The following VAV3 variants were observed in gnomAD, a reference collection of about 807,000 sequenced individuals.
VAV3 encodes the protein vav guanine nucleotide exchange factor 3.
In VAV3, 94 loss-of-function variants were observed where a neutral mutation model predicts 131.2. The ratio of observed to expected loss-of-function variants is 0.72; its 90% CI spans 0.61 to 0.85. VAV3 has a LOEUF of 0.85. Ranked by LOEUF, VAV3 falls within the 40% of genes least tolerant of loss-of-function variation. The pLI is 0.00. For missense variants in VAV3, 939 were observed against 1,002.7 expected (o/e 0.94, Z 0.86); for synonymous variants, 349 against 342.0 (o/e 1.02, Z -0.22).
chr1:107,765,219 G>T, intron 8 of VAV3, 44 bp from the exon 9 acceptor site: 1 of 1,444,042 alleles, frequency 6.9e-7, no homozygotes, highest in Non-Finnish European at 9.7e-7. Context: ...CAAAAACCAA[G>T]AATGAACTGG....
chr1:107,929,264 G>T (rs537080120), intron 1 of VAV3, among the ~76,000 whole-genome samples: 3 of 142,596 alleles, frequency 2.1e-5, no homozygotes, highest in Admixed American at 1.4e-4. Context: ...CTCCAGCCTG[G>T]GTGACAGAGT....
At chr1:107,618,418 G>GT (rs1261260727) in intron 20 of VAV3, among the ~76,000 whole-genome samples, 1 of 152,188 alleles carries the variant, frequency 6.6e-6, no homozygotes, top group Admixed American at 6.5e-5. Flanking sequence ...ACAGTGAAAT[G>GT]TAAGTTTTGG....
At chr1:107,651,691 C>T (rs190469089) in intron 19 of VAV3, among the ~76,000 whole-genome samples, 27 of 152,040 alleles carry the variant, frequency 1.8e-4, no homozygotes, top group Admixed American at 4.6e-4. Context: ...TTTCTACCTC[C>T]CAGTTCAAGC....
intron 25 of VAV3, among the ~76,000 whole-genome samples, chr1:107,594,963 CAT>C (rs1651255265): frequency 6.6e-6 from 1 of 152,134 alleles, no homozygotes; most frequent in Admixed American, 6.5e-5. Flanking sequence ...TCGAAAATTA[CAT>C]GTTTCATGCT....
rs151118376 is a variant in VAV3 at position 107,881,631 on chromosome 1, T to C, written c.205-6614A>G. On this transcript the variant is annotated intron_variant, in intron 1 of 26. Coordinates refer to ENST00000370056, the MANE Select transcript of VAV3 (RefSeq NM_006113.5). Reference sequence around the variant, plus strand: ...TTCAGAAGGGCATGAATAGCTCGCTTATTTCAAGGTGAGGAAGGAAAATGG... The same window carrying C: ...TTCAGAAGGGCATGAATAGCTCGCTCATTTCAAGGTGAGGAAGGAAAATGG... Among the ~76,000 whole-genome samples the C allele has an allele frequency of 4.2e-3, 644 of 152,302 alleles. 5 individuals are homozygous for C. The highest frequency in any genetic ancestry group is 0.015 in the African/African-American group (606 of 41,550).
Position 107,962,830 on chromosome 1 carries a change from A to G in VAV3, c.204+1836T>C, listed in dbSNP as rs578119960. Among the ~76,000 whole-genome samples the G allele has an allele frequency of 2.6e-5, 4 of 152,364 alleles. No individual in the cohort carries two copies. The South Asian group carries it at 6.2e-4, about 24-fold the overall frequency. On this transcript the variant is annotated intron_variant, in intron 1 of 26. Transcript: ENST00000370056. ...CACAAAGAAGGTCATTAGCTGTCCT[A>G]CTTACCTTATTATAACCCAGTGATT...
chr1:107,652,215 T>G (rs1294559167), intron 19 of VAV3, among the ~76,000 whole-genome samples: 1 of 152,058 alleles, frequency 6.6e-6, no homozygotes, highest in Non-Finnish European at 1.5e-5. Context: ...GAGTGACCTC[T>G]CCTAGTCCTC....
At chr1:107,870,829 T>C (rs1169434839) in intron 2 of VAV3, among the ~76,000 whole-genome samples, 3 of 152,142 alleles carry the variant, frequency 2.0e-5, no homozygotes, top group Non-Finnish European at 1.5e-5. Flanking sequence ...ATGGATACTC[T>C]TTAAGAAAAC....
intron 15 of VAV3, among the ~76,000 whole-genome samples, chr1:107,706,509 G>A (rs894186227): frequency 1.3e-5 from 2 of 152,296 alleles, no homozygotes; most frequent in East Asian, 3.9e-4. Context: ...ATGTTCCACT[G>A]CACGCTGAGA....
At chr1:107,906,609 T>C (rs939109876) in intron 1 of VAV3, among the ~76,000 whole-genome samples, 31 of 152,170 alleles carry the variant, frequency 2.0e-4, no homozygotes, top group African/African-American at 7.2e-4. Context: ...GAGCTTGCAG[T>C]GAGCCAAGAT....
chr1:107,875,967 CT>C (rs759956789), intron 1 of VAV3, among the ~76,000 whole-genome samples: 9 of 152,046 alleles, frequency 5.9e-5, no homozygotes, highest in Admixed American at 1.3e-4. Context: ...GTACAGAGGA[CT>C]GTTAACCATG....
intron 25 of VAV3, among the ~76,000 whole-genome samples, chr1:107,575,791 T>C (rs572164837): frequency 2.6e-5 from 4 of 152,350 alleles, no homozygotes; most frequent in African/African-American, 9.6e-5. Flanking sequence ...TTTATTGGGA[T>C]GTGCAGGTTA....
At chr1:107,759,517 C>T (rs1279135348) in intron 10 of VAV3, among the ~76,000 whole-genome samples, 1 of 152,004 alleles carries the variant, frequency 6.6e-6, no homozygotes, top group Non-Finnish European at 1.5e-5. Flanking sequence ...AATTTCTAGA[C>T]AACAAATAAA....
intron 2 of VAV3, among the ~76,000 whole-genome samples, chr1:107,797,055 T>G (rs1476434842): frequency 2.6e-5 from 4 of 152,094 alleles, no homozygotes; most frequent in African/African-American, 9.7e-5. Context: ...CTACAATATG[T>G]AAGAAGTTAC....
chr1:107,649,304 C>T (rs946800528), intron 19 of VAV3, among the ~76,000 whole-genome samples: 23 of 152,006 alleles, frequency 1.5e-4, no homozygotes, highest in African/African-American at 4.3e-4. Context: ...GAGACACCAG[C>T]GGCTGAAGAG....
intron 2 of VAV3, among the ~76,000 whole-genome samples, chr1:107,800,385 T>C (rs1011004904): frequency 1.3e-5 from 2 of 152,152 alleles, no homozygotes; most frequent in African/African-American, 4.8e-5. Flanking sequence ...ATAAAAGCCA[T>C]TGTAACTGGA....
At chr1:107,892,733 T>C (rs951613846) in intron 1 of VAV3, among the ~76,000 whole-genome samples, 1 of 152,216 alleles carries the variant, frequency 6.6e-6, no homozygotes, top group Non-Finnish European at 1.5e-5. Context: ...TGTCAGTGAA[T>C]ATTTTCCCCT....
intron 19 of VAV3, among the ~76,000 whole-genome samples, chr1:107,654,293 G>A (rs1320567987): frequency 2.6e-5 from 4 of 152,014 alleles, no homozygotes; most frequent in African/African-American, 9.7e-5. Context: ...GAGAATGATA[G>A]CTTTTATAGA....
chr1:107,814,779 G>T (rs1158253165), intron 2 of VAV3, among the ~76,000 whole-genome samples: 1 of 152,224 alleles, frequency 6.6e-6, no homozygotes, highest in Middle Eastern at 3.4e-3. Flanking sequence ...CAGTGCTTAT[G>T]GAAGAATATT....
Sources: gnomAD v4.1 joint callset for allele counts (sites outside exome capture counted in the v4.1 genomes callset) on GRCh38, gnomAD v4.1.1 for gene constraint, MANE v1.5 for transcripts, NCBI Gene and HGNC (gene_info 2026-07-23, HGNC 2026-07-21) for gene names.